UROS: variants seen among roughly 807,000 people sequenced by gnomAD.
UROS encodes the protein uroporphyrinogen III synthase, also known as uroporphyrinogen-III synthase.
UROS carries 18 observed loss-of-function variants against 33.0 expected under a neutral mutation model. The observed-to-expected ratio is 0.55, with a 90% CI of 0.38 to 0.81. UROS has a LOEUF of 0.81. Among genes scored for constraint, UROS ranks in the 30% least tolerant of loss-of-function variants. The pLI is 0.00. For synonymous variants in UROS, 114 were observed against 121.1 expected, an observed-to-expected ratio of 0.94 and a Z score of 0.38; for missense variants, 293 against 314.9, an observed-to-expected ratio of 0.93 and a Z score of 0.53.
In UROS at chr10:125,816,441, A is replaced by G; in HGVS notation, c.59T>C (p.Ile20Thr). 6.2e-7 allele frequency: 1 copy of G among 1,614,168 alleles called. No homozygotes were observed. Among genetic ancestry groups the G allele is most frequent in the Non-Finnish European group, 8.5e-7 (1 of 1,180,018 alleles). The change falls in exon 2 of 10, where the codon ATC becomes ACC. Residue 20 changes from isoleucine to threonine, a missense_variant. Transcript: ENST00000368797. The part of the protein sequence containing the change: ...KEDDCGQDPY[I>T]RELGLYGLEA... ...AAGGAGTCTCAGGCCACTTACCCTG[A>G]TATACGGATCCTGGCCACAGTCATC... is the stretch of plus-strand genomic sequence containing the variant.
At chr10:125,817,206 C>CTTCT (rs2133953931) in intron 1 of UROS, among the ~76,000 whole-genome samples, 1 of 126,296 alleles carries the variant, frequency 7.9e-6, no homozygotes, top group African/African-American at 2.9e-5. Flanking sequence ...CAACGGGAAG[C>CTTCT]TTCTTGTTTA....
Position 125,796,133 on chromosome 10 carries a change from T to C in UROS, c.531A>G (p.Gln177=). 6.2e-7 allele frequency: 1 copy of C among 1,614,210 alleles called. No individual in the cohort carries two copies. Among genetic ancestry groups the C allele is most frequent in the Non-Finnish European group, 8.5e-7 (1 of 1,180,040 alleles). ...VYQTVAHPGI[Q]GNLNSYYSQQ... The stretch of plus-strand genomic sequence containing the variant: ...GGGAATAGTAGCTGTTCAGGTTCCC[T>C]TGGATTCCTGGGTGTGCAACTGTCT... Residue 177 remains glutamine (Q), a synonymous_variant, in exon 8 of 10, where the codon CAA becomes CAG. Coordinates refer to ENST00000368797, the MANE Select transcript of UROS (RefSeq NM_000375.3).
chr10:125,813,158 A>G (rs958800570), intron 4 of UROS, among the ~76,000 whole-genome samples: 11 of 152,220 alleles, frequency 7.2e-5, no homozygotes, highest in African/African-American at 2.7e-4. Context: ...GCCTCACAGC[A>G]GAACAACTGG....
chr10:125,802,808 C>A, intron 6 of UROS: 3 of 1,459,446 alleles, frequency 2.1e-6, no homozygotes, highest in East Asian at 2.5e-5. Flanking sequence ...GGCATCTGTG[C>A]GAGGCCCTGT....
At chr10:125,791,392 T>A (rs893353980) in intron 9 of UROS, 4 of 152,046 alleles carry the variant, frequency 2.6e-5, no homozygotes, top group African/African-American at 9.7e-5. Context: ...CTAGTGACAA[T>A]GCAAAATGGC....
intron 6 of UROS, chr10:125,802,486 A>C (rs1851927546): frequency 1.0e-6 from 1 of 987,724 alleles, no homozygotes; most frequent in Non-Finnish European, 1.2e-6. Context: ...TCAGTTGCTT[A>C]GCCTCAGATG....
intron 1 of UROS, among the ~76,000 whole-genome samples, chr10:125,822,177 T>C (rs184445847): frequency 4.6e-5 from 7 of 152,288 alleles, no homozygotes; most frequent in Admixed American, 4.6e-4. Context: ...TCTCTCGCAA[T>C]GGGAAGACCT....
Position 125,803,818 on chromosome 10 carries a change from C to T in UROS, c.394+3595G>A, listed in dbSNP as rs184299254. On this transcript the variant is annotated intron_variant, in intron 6 of 9. Coordinates refer to ENST00000368797, the MANE Select transcript of UROS (RefSeq NM_000375.3). The stretch of plus-strand genomic sequence containing the variant: ...TCTCCAGGAAAACCCTCTCCTTCCA[C>T]GTCTCTGCTCAGTGGCTCCCTCTGA... 1.4e-3 allele frequency among the ~76,000 whole-genome samples: 213 copies of T among 152,350 alleles called. 4 individuals carry two copies. In the South Asian group the frequency reaches 0.027, roughly 19 times the overall value.
chr10:125,819,292 T>A (rs1348699309), intron 1 of UROS, among the ~76,000 whole-genome samples: 11 of 152,182 alleles, frequency 7.2e-5, no homozygotes, highest in Non-Finnish European at 1.3e-4. Flanking sequence ...TAAAGTTTTT[T>A]AAAATAAACT....
intron 5 of UROS, 95 bp from the exon 6 acceptor site, chr10:125,807,582 GT>G: frequency 1.1e-6 from 1 of 932,934 alleles, no homozygotes; most frequent in Non-Finnish European, 1.7e-6. Context: ...CAGGTATGCA[GT>G]TTACAAATCA....
chr10:125,797,674 C>G (rs556908419), intron 7 of UROS, among the ~76,000 whole-genome samples: 36 of 152,296 alleles, frequency 2.4e-4, no homozygotes, highest in African/African-American at 6.5e-4. Context: ...TGTGGCTCGG[C>G]TGGAGGGTGC....
chr10:125,807,804 A>C (rs1852463882), intron 5 of UROS, among the ~76,000 whole-genome samples: 1 of 152,214 alleles, frequency 6.6e-6, no homozygotes, highest in Non-Finnish European at 1.5e-5. Flanking sequence ...TCAGATAATA[A>C]GAGCAAAGTG....
intron 1 of UROS, chr10:125,816,772 C>T: frequency 1.8e-6 from 1 of 562,498 alleles, no homozygotes; most frequent in South Asian, 2.2e-5. Flanking sequence ...TAGTGAAAGC[C>T]AAGTGTCCTA....
intron 5 of UROS, 125 bp downstream of exon 5, chr10:125,812,089 T>A (rs965525177): frequency 2.0e-5 from 16 of 811,412 alleles, no homozygotes; most frequent in East Asian, 1.6e-4. Flanking sequence ...TAGTATCGTA[T>A]ACTTAATTAA....
At chr10:125,798,472 C>A (rs1280415306) in intron 6 of UROS, among the ~76,000 whole-genome samples, 1 of 152,254 alleles carries the variant, frequency 6.6e-6, no homozygotes, top group African/African-American at 2.4e-5. Context: ...AGAAGGCAGA[C>A]TTTGCACCTT....
At chr10:125,798,039 G>A (rs1851513365) in intron 7 of UROS, 26 bp downstream of exon 7, 10 of 1,612,842 alleles carry the variant, frequency 6.2e-6, no homozygotes, top group African/African-American at 1.3e-5. Flanking sequence ...AAGTGGTAAG[G>A]GATGCAGTCA....
intron 4 of UROS, among the ~76,000 whole-genome samples, chr10:125,813,588 G>A (rs1274148905): frequency 2.0e-5 from 3 of 152,046 alleles, no homozygotes; most frequent in Non-Finnish European, 4.4e-5. Context: ...AGTGGTTCTC[G>A]TGCCTCAGCC....
chr10:125,786,097 C>T (rs1052444205), downstream of UROS, among the ~76,000 whole-genome samples: 46 of 152,244 alleles, frequency 3.0e-4, no homozygotes, highest in African/African-American at 1.1e-3. Flanking sequence ...TCGAGTGAGA[C>T]TCTGGCTTCC....
At chr10:125,785,322 C>G (rs2133790606), downstream of UROS, 1 of 152,320 alleles carries the variant, frequency 6.6e-6, no homozygotes, top group South Asian at 2.1e-4. Flanking sequence ...ATCCCCTTGG[C>G]TACAACTTAA....
Sources: gnomAD v4.1 joint callset for allele counts (sites outside exome capture counted in the v4.1 genomes callset) on GRCh38, gnomAD v4.1.1 for gene constraint, MANE v1.5 for transcripts, NCBI Gene and HGNC (gene_info 2026-07-23, HGNC 2026-07-21) for gene names.